The following ROBO2 variants were observed in gnomAD, a reference collection of about 807,000 sequenced individuals.
ROBO2 encodes the protein roundabout homolog 2.
Under a neutral mutation model 160.8 loss-of-function variants are expected in ROBO2, and 53 were observed. The ratio of observed to expected loss-of-function variants is 0.33; its 90% CI spans 0.26 to 0.41. ROBO2 has a LOEUF of 0.41. ROBO2 is among the 10% of genes least tolerant of loss of function. The pLI, the probability that ROBO2 is intolerant of heterozygous loss-of-function variation, is 1.00. For missense variants in ROBO2, 1,577 were observed against 1,722.4 expected, an observed-to-expected ratio of 0.92 and a Z score of 1.49; for synonymous variants, 664 against 611.7, an observed-to-expected ratio of 1.09 and a Z score of -1.26.
intron 1 of ROBO2, among the ~76,000 whole-genome samples, chr3:77,081,943 C>T (rs1439005073): frequency 6.6e-6 from 1 of 152,088 alleles, no homozygotes; most frequent in South Asian, 2.1e-4. Context: ...AGGAGAAATA[C>T]CCTGCCCTCC....
chr3:77,092,936 G>A (rs542664609), intron 1 of ROBO2, among the ~76,000 whole-genome samples: 1 of 151,804 alleles, frequency 6.6e-6, no homozygotes, highest in East Asian at 1.9e-4. Flanking sequence ...AATGAACTTT[G>A]TAATGGAAAA....
chr3:76,742,056 A>G (rs1022357333), intron 2 of ROBO2, among the ~76,000 whole-genome samples: 2 of 152,106 alleles, frequency 1.3e-5, no homozygotes, highest in African/African-American at 4.8e-5. Context: ...CAGCTAATAA[A>G]TGAGTGAAAA....
intron 2 of ROBO2, among the ~76,000 whole-genome samples, chr3:76,364,560 G>A (rs868108735): frequency 2.0e-5 from 3 of 151,722 alleles, no homozygotes; most frequent in East Asian, 1.9e-4. Flanking sequence ...GACTTAACTT[G>A]GCTGTAATTC....
rs1046802257 is a variant in ROBO2 at position 76,843,887 on chromosome 3, ATCT to A, written c.110-254122_110-254120del. 3.9e-5 allele frequency among the ~76,000 whole-genome samples: 6 copies of A among 152,196 alleles called. No individual in the cohort carries two copies. The East Asian group carries it at 7.7e-4, about 20-fold the overall frequency. Reference sequence around the variant, plus strand: ...ATAAAAGAAGATTTAGGTTACCCTGATCTTCTTGTAGCAAGAGGAGCTAAATTG... The same window carrying A: ...ATAAAAGAAGATTTAGGTTACCCTGATCTTGTAGCAAGAGGAGCTAAATTG... On this transcript the variant is annotated intron_variant, in intron 2 of 26. Coordinates refer to the ROBO2 transcript ENST00000487694.
At chr3:77,249,732 A>G (rs2090135117) in intron 2 of ROBO2, among the ~76,000 whole-genome samples, 1 of 152,108 alleles carries the variant, frequency 6.6e-6, no homozygotes, top group South Asian at 2.1e-4. Context: ...TGTAAAACAA[A>G]TATCAGTCAG....
Position 76,808,203 on chromosome 3 carries a change from T to G in ROBO2, c.110-289811T>G, listed in dbSNP as rs944978950. The stretch of plus-strand genomic sequence containing the variant: ...AGGATATTTGTTGTGTTACTTAAGC[T>G]GCACTGGACTTACTCCAACGATGCA... On this transcript the variant is annotated intron_variant, in intron 2 of 26. Transcript: ENST00000487694. Among the ~76,000 whole-genome samples the G allele has an allele frequency of 9.9e-5, 15 of 152,132 alleles. 1 individual carries two copies. Among genetic ancestry groups the G allele is most frequent in the Admixed American group, 6.6e-4 (10 of 15,248 alleles).
chr3:77,518,679 C>T lies in ROBO2; in HGVS notation c.807-4096C>T, dbSNP rs148437127. On this transcript the variant is annotated intron_variant, in intron 5 of 25. Coordinates refer to ENST00000461745, the Ensembl canonical transcript of ROBO2. ...TGTATCCCCAAATTTTGGTGCAATG[C>T]GTAGATATGTCATCAGCATTTCTTG... Among the ~76,000 whole-genome samples, 874 of 151,376 alleles carry T rather than the reference C, an allele frequency of 5.8e-3. 9 individuals carry two copies. Among genetic ancestry groups the T allele is most frequent in the African/African-American group, 0.02 (818 of 41,388 alleles).
At chr3:77,295,104 A>T (rs561068628) in intron 2 of ROBO2, among the ~76,000 whole-genome samples, 1 of 151,514 alleles carries the variant, frequency 6.6e-6, no homozygotes, top group Non-Finnish European at 1.5e-5. Context: ...TTTGACGGTT[A>T]AAAAGGTAAG....
chr3:76,442,115 G>C (rs958386565), intron 2 of ROBO2, among the ~76,000 whole-genome samples: 3 of 152,180 alleles, frequency 2.0e-5, no homozygotes, highest in African/African-American at 7.2e-5. Context: ...AAGGGCTCTG[G>C]ATAATCCACA....
At chr3:77,258,431 AT>A (rs2058562260) in intron 2 of ROBO2, among the ~76,000 whole-genome samples, 1 of 152,066 alleles carries the variant, frequency 6.6e-6, no homozygotes, top group Non-Finnish European at 1.5e-5. Context: ...AATTATACTC[AT>A]TTTTGTCAGA....
intron 2 of ROBO2, among the ~76,000 whole-genome samples, chr3:76,759,663 G>A (rs901568548): frequency 2.0e-5 from 3 of 146,628 alleles, no homozygotes; most frequent in Non-Finnish European, 3.0e-5. Flanking sequence ...CTGTCTCCTC[G>A]GATTAAGAGG....
chr3:76,045,407 A>C (rs1205668193), intron 2 of ROBO2, among the ~76,000 whole-genome samples: 1 of 152,058 alleles, frequency 6.6e-6, no homozygotes, highest in East Asian at 1.9e-4. Context: ...AGCCAGGCAG[A>C]TTGAGAGCAA....
At chr3:77,119,581 G>A (rs950315869) in intron 2 of ROBO2, among the ~76,000 whole-genome samples, 3 of 152,184 alleles carry the variant, frequency 2.0e-5, no homozygotes, top group African/African-American at 7.2e-5. Context: ...AAGAAGCACG[G>A]AAGTAAAATC....
intron 2 of ROBO2, among the ~76,000 whole-genome samples, chr3:76,677,292 G>C (rs1349384989): frequency 1.3e-5 from 2 of 152,094 alleles, no homozygotes; most frequent in Non-Finnish European, 2.9e-5. Flanking sequence ...GAAGAAAAAG[G>C]ATGAGGAGGG....
chr3:76,318,534 G>T (rs1314328185), intron 2 of ROBO2, among the ~76,000 whole-genome samples: 1 of 152,024 alleles, frequency 6.6e-6, no homozygotes, highest in Non-Finnish European at 1.5e-5. Context: ...GCTTGGAGGG[G>T]TTATTTAATT....
At chr3:76,927,701 T>C (rs1352764169) in intron 2 of ROBO2, among the ~76,000 whole-genome samples, 1 of 152,138 alleles carries the variant, frequency 6.6e-6, no homozygotes, top group East Asian at 1.9e-4. Context: ...TAGAAGCAAA[T>C]ATATCAAAAA....
At chr3:76,909,727 TA>T (rs1252545200) in intron 2 of ROBO2, among the ~76,000 whole-genome samples, 2 of 152,338 alleles carry the variant, frequency 1.3e-5, no homozygotes, top group East Asian at 3.9e-4. Flanking sequence ...TAGAGTCTCA[TA>T]ATTCTAGATT....
At chr3:77,620,356 T>G (rs1583325787) in intron 22 of ROBO2, among the ~76,000 whole-genome samples, 1 of 152,338 alleles carries the variant, frequency 6.6e-6, no homozygotes, top group East Asian at 1.9e-4. Flanking sequence ...ATGTTATGTG[T>G]CCTCTTCCTG....
chr3:76,653,214 C>A (rs906817051), intron 2 of ROBO2, among the ~76,000 whole-genome samples: 1 of 151,698 alleles, frequency 6.6e-6, no homozygotes, highest in Non-Finnish European at 1.5e-5. Flanking sequence ...TTCATAAAAC[C>A]TATATATTGT....
Sources: gnomAD v4.1 joint callset for allele counts (sites outside exome capture counted in the v4.1 genomes callset) on GRCh38, gnomAD v4.1.1 for gene constraint, MANE v1.5 for transcripts, NCBI Gene and HGNC (gene_info 2026-07-23, HGNC 2026-07-21) for gene names.